The following ADAM12 variants were observed in gnomAD, a reference collection of about 807,000 sequenced individuals.
The protein encoded by ADAM12 is disintegrin and metalloproteinase domain-containing protein 12.
Under a neutral mutation model 106.4 loss-of-function variants are expected in ADAM12, and 70 were observed. The ratio of observed to expected loss-of-function variants is 0.66; its 90% CI spans 0.54 to 0.80. The LOEUF is 0.80. ADAM12 is among the 30% of genes least tolerant of loss of function. The pLI, the probability that ADAM12 is intolerant of heterozygous loss-of-function variation, is 0.00. For missense variants in ADAM12, 1,010 were observed against 1,171.9 expected (o/e 0.86, Z 2.02); for synonymous variants, 420 against 433.5 (o/e 0.97, Z 0.39).
intron 1 of ADAM12, among the ~76,000 whole-genome samples, chr10:126,347,090 G>T (rs576816058): frequency 3.3e-5 from 5 of 152,136 alleles, no homozygotes; most frequent in African/African-American, 1.2e-4. Flanking sequence ...TATTTTGCTC[G>T]TTAGTTGATG....
At chr10:126,252,481 G>A (rs887928271) in intron 3 of ADAM12, among the ~76,000 whole-genome samples, 3 of 152,186 alleles carry the variant, frequency 2.0e-5, no homozygotes, top group Non-Finnish European at 4.4e-5. Flanking sequence ...CTCTGTCTAA[G>A]GCCAAAGGTC....
Position 126,017,228 on chromosome 10 carries a change from G to A in ADAM12, c.*51C>T. On this transcript the variant is annotated 3_prime_UTR_variant, in exon 23 of 23. Coordinates refer to ENST00000448723, the MANE Select transcript of ADAM12 (RefSeq NM_001288973.2). ...GGTACAAAAAACTCCAACTGGAGCT[G>A]AAAGATAGTGCAAACTTCTGTCTTC... 2 of 1,485,502 alleles carry A rather than the reference G, an allele frequency of 1.3e-6. No individual in the cohort carries two copies. Among genetic ancestry groups the A allele is most frequent in the African/African-American group, 1.4e-5 (1 of 70,734 alleles). 92.0% of individuals were successfully genotyped at this position (1,485,502 alleles called of 1,614,324 possible).
chr10:126,234,004 T>A (rs562808358), intron 3 of ADAM12, among the ~76,000 whole-genome samples: 1 of 152,266 alleles, frequency 6.6e-6, no homozygotes, highest in African/African-American at 2.4e-5. Context: ...GGCACCTATT[T>A]TACAGTAAAG....
chr10:126,059,047 A>T (rs543675285), intron 14 of ADAM12, among the ~76,000 whole-genome samples: 6 of 152,320 alleles, frequency 3.9e-5, no homozygotes, highest in African/African-American at 1.4e-4. Flanking sequence ...TTCAGAGGGA[A>T]TTTTGATACC....
intron 2 of ADAM12, among the ~76,000 whole-genome samples, chr10:126,287,142 AG>A (rs1207129105): frequency 2.0e-5 from 3 of 152,308 alleles, no homozygotes; most frequent in Admixed American, 2.0e-4. Context: ...AGATTACTTT[AG>A]CTATAGCCAG....
intron 5 of ADAM12, among the ~76,000 whole-genome samples, chr10:126,121,931 T>A (rs1451137997): frequency 4.6e-5 from 7 of 152,078 alleles, no homozygotes; most frequent in Non-Finnish European, 7.4e-5. Flanking sequence ...TTAACTGGCT[T>A]ACTCCACCAA....
rs189935837 is a variant in ADAM12 at position 126,290,836 on chromosome 10, C to T, written c.187-11848G>A. On this transcript the variant is annotated intron_variant, in intron 2 of 22. Coordinates refer to ENST00000448723, the MANE Select transcript of ADAM12 (RefSeq NM_001288973.2). ...TCTTCTATATGGGAAGAGGCTCTTA[C>T]GTACTATGTGTACGACCAATCATAG... 1.9e-3 allele frequency among the ~76,000 whole-genome samples: 293 copies of T among 152,318 alleles called. 2 individuals are homozygous for T. Among genetic ancestry groups the T allele is most frequent in the African/African-American group, 6.8e-3 (282 of 41,564 alleles).
At chr10:126,069,346 G>C (rs1954937234) in intron 12 of ADAM12, among the ~76,000 whole-genome samples, 1 of 152,204 alleles carries the variant, frequency 6.6e-6, no homozygotes, top group African/African-American at 2.4e-5. Context: ...TTCAAAGAAA[G>C]AACTTTGGAT....
chr10:126,356,607 C>T (rs1855551128), intron 1 of ADAM12, among the ~76,000 whole-genome samples: 1 of 152,032 alleles, frequency 6.6e-6, no homozygotes, highest in African/African-American at 2.4e-5. Flanking sequence ...CATGACAACA[C>T]CAAAAGAAAC....
chr10:126,311,889 A>G (rs1294677464), intron 2 of ADAM12, among the ~76,000 whole-genome samples: 1 of 152,080 alleles, frequency 6.6e-6, no homozygotes, highest in Non-Finnish European at 1.5e-5. Context: ...GTGAGTCCCG[A>G]GTCATTATAG....
intron 1 of ADAM12, among the ~76,000 whole-genome samples, chr10:126,379,309 AG>A (rs1378829467): frequency 6.6e-6 from 1 of 152,248 alleles, no homozygotes; most frequent in Non-Finnish European, 1.5e-5. Context: ...CATCAATAAC[AG>A]ACTGGATAAA....
chr10:126,315,995 C>T (rs991074028), intron 2 of ADAM12, among the ~76,000 whole-genome samples: 2 of 152,214 alleles, frequency 1.3e-5, no homozygotes, highest in Non-Finnish European at 2.9e-5. Flanking sequence ...AATGCAAACG[C>T]ATTCCTATTA....
At chr10:126,185,290 A>G (rs1280434329) in intron 3 of ADAM12, among the ~76,000 whole-genome samples, 1 of 152,248 alleles carries the variant, frequency 6.6e-6, no homozygotes, top group Non-Finnish European at 1.5e-5. Flanking sequence ...GTAAAATAAA[A>G]AGGGTCTGAA....
chr10:126,307,527 AT>A (rs1464835803), intron 2 of ADAM12, among the ~76,000 whole-genome samples: 2 of 151,290 alleles, frequency 1.3e-5, no homozygotes, highest in South Asian at 2.1e-4. Context: ...CAATTTTTGT[AT>A]TTTTTTCTTT....
chr10:126,154,024 G>C (rs1956772255), intron 4 of ADAM12, among the ~76,000 whole-genome samples: 1 of 152,232 alleles, frequency 6.6e-6, no homozygotes, highest in Admixed American at 6.5e-5. Context: ...GATTGGAAGA[G>C]TTCTTTTTGT....
chr10:126,240,640 G>A lies in ADAM12; in HGVS notation c.260+38275C>T, dbSNP rs1056807650. On this transcript the variant is annotated intron_variant, in intron 3 of 22. Transcript: ENST00000448723. ...AGGAGCTACCAGGCAGGCTGGAGCT[G>A]GAGGCAGAGACTTCCAGGCAGAGAA... is the stretch of plus-strand genomic sequence containing the variant. Among the ~76,000 whole-genome samples the A allele has an allele frequency of 3.3e-5, 5 of 152,236 alleles. No homozygotes were observed. The East Asian group carries it at 9.6e-4, about 29-fold the overall frequency.
intron 2 of ADAM12, among the ~76,000 whole-genome samples, chr10:126,307,941 A>C (rs899885478): frequency 6.6e-6 from 1 of 152,178 alleles, no homozygotes; most frequent in African/African-American, 2.4e-5. Context: ...ATTTTATGCT[A>C]GACACTGTGT....
chr10:126,366,519 G>T (rs933404413), intron 1 of ADAM12, among the ~76,000 whole-genome samples: 1 of 151,930 alleles, frequency 6.6e-6, no homozygotes, highest in Non-Finnish European at 1.5e-5. Context: ...AGGGAAAAAA[G>T]CAAAAACATA....
At chr10:126,268,685 T>C (rs901083489) in intron 3 of ADAM12, among the ~76,000 whole-genome samples, 11 of 152,198 alleles carry the variant, frequency 7.2e-5, no homozygotes, top group Admixed American at 6.5e-5. Flanking sequence ...ATGCATGTTA[T>C]GAAACATGGC....
Sources: gnomAD v4.1 joint callset for allele counts (sites outside exome capture counted in the v4.1 genomes callset) on GRCh38, gnomAD v4.1.1 for gene constraint, MANE v1.5 for transcripts, NCBI Gene and HGNC (gene_info 2026-07-23, HGNC 2026-07-21) for gene names.